CELF2: variants seen among roughly 807,000 people sequenced by gnomAD.
CELF2 encodes CUGBP Elav-like family member 2.
A neutral mutation model predicts 62.6 loss-of-function variants in CELF2; 8 were observed. The observed-to-expected ratio is 0.13, with a 90% CI of 0.07 to 0.23. The LOEUF (loss-of-function observed/expected upper bound fraction) is 0.23, where lower values mean the gene tolerates loss of function less well. CELF2 is among the 10% of genes least tolerant of loss of function. The pLI, the probability that CELF2 is intolerant of heterozygous loss-of-function variation, is 1.00. For synonymous variants in CELF2, 258 were observed against 250.0 expected, an observed-to-expected ratio of 1.03 and a Z score of -0.30; for missense variants, 333 against 671.0, an observed-to-expected ratio of 0.50 and a Z score of 5.56.
the CELF2 span, among the ~76,000 whole-genome samples, chr10:10,583,585 A>T: frequency 1.3e-5 from 2 of 152,170 alleles, no homozygotes; most frequent in Admixed American, 1.3e-4. Context: ...AAAGCTTCAG[A>T]CCAGGTTGCC....
the CELF2 span, among the ~76,000 whole-genome samples, chr10:10,562,970 C>T: frequency 1.3e-5 from 2 of 151,842 alleles, no homozygotes; most frequent in Admixed American, 6.6e-5. Flanking sequence ...GGACAGAATA[C>T]GAAGACCTGG....
intron 1 of CELF2, among the ~76,000 whole-genome samples, chr10:11,060,267 A>T (rs2066409271): frequency 6.6e-6 from 1 of 152,152 alleles, no homozygotes; most frequent in African/African-American, 2.4e-5. Context: ...GGTGAACCCC[A>T]CTCAAAACTT....
intron 1 of CELF2, among the ~76,000 whole-genome samples, chr10:11,073,084 A>C (rs2070670583): frequency 6.6e-6 from 1 of 152,126 alleles, no homozygotes; most frequent in Non-Finnish European, 1.5e-5. Context: ...AAATAATGCT[A>C]ATATAATTAT....
chr10:10,687,381 A>G, the CELF2 span, among the ~76,000 whole-genome samples: 1 of 152,212 alleles, frequency 6.6e-6, no homozygotes, highest in East Asian at 1.9e-4. Context: ...TGGGATCTCA[A>G]AAAACTAAAT....
rs780705239 is a variant in CELF2, at chr10:11,098,645, A to G, written c.75-66841A>G. 1.4e-4 allele frequency among the ~76,000 whole-genome samples: 21 copies of G among 151,734 alleles called. No homozygotes were observed. The highest frequency in any genetic ancestry group is 5.8e-4 in the East Asian group (3 of 5,198). ...TTCCATTTTAGACAAATAATGCATG[A>G]TAAGTATAAATGTGTCATGAGCACA... is the stretch of plus-strand genomic sequence containing the variant. On this transcript the variant is annotated intron_variant, in intron 1 of 12. Transcript: ENST00000633077. This position sits in a 1 kb window ranked among gnomAD's most constrained non-coding sequence, Gnocchi z 4.0.
chr10:10,819,368 G>A (rs2056766027), intron 1 of CELF2, among the ~76,000 whole-genome samples: 1 of 152,184 alleles, frequency 6.6e-6, no homozygotes, highest in Non-Finnish European at 1.5e-5. Flanking sequence ...AAGAGGAAGT[G>A]CTGAAATCAG....
the CELF2 span, among the ~76,000 whole-genome samples, chr10:10,512,191 C>T: frequency 6.6e-6 from 1 of 152,086 alleles, no homozygotes; most frequent in Non-Finnish European, 1.5e-5. Context: ...AATAGCATGC[C>T]TCCTCCTCAC....
At chr10:10,699,891 A>C in the CELF2 span, among the ~76,000 whole-genome samples, 2 of 152,162 alleles carry the variant, frequency 1.3e-5, no homozygotes, top group Non-Finnish European at 2.9e-5. Context: ...CGTAGTTTCC[A>C]GTTCTCACAG....
chr10:10,651,510 G>T, the CELF2 span, among the ~76,000 whole-genome samples: 364 of 121,990 alleles, frequency 3.0e-3, 22 homozygotes, highest in African/African-American at 9.9e-3. Context: ...CTCCCAGCAC[G>T]CAGCTGGAGA....
At chr10:10,652,975 T>C in the CELF2 span, among the ~76,000 whole-genome samples, 1 of 152,112 alleles carries the variant, frequency 6.6e-6, no homozygotes, top group Non-Finnish European at 1.5e-5. Flanking sequence ...GAAACCCATC[T>C]CATGTGCAGA....
chr10:11,319,986 A>AT lies in CELF2; in HGVS notation c.1097-1197dup, dbSNP rs1272746778. Reference sequence around the variant, plus strand: ...TCCATTCTCATTAGACTTCTTACCTATTTTTTCAGTTAGCCATCCTTGCTG... The same window carrying AT: ...TCCATTCTCATTAGACTTCTTACCTATTTTTTTCAGTTAGCCATCCTTGCTG... On this transcript the variant is annotated intron_variant, in intron 10 of 12. Transcript: ENST00000633077. This position sits in a 1 kb window ranked among gnomAD's most constrained non-coding sequence, Gnocchi z 4.4. 2.6e-6 allele frequency: 1 copy of AT among 382,848 alleles called. No individual in the cohort carries two copies. The highest frequency in any genetic ancestry group is 5.3e-6 in the Non-Finnish European group (1 of 187,080). The allele number at this position is 382,848 out of a possible 1,614,324, so 23.7% of individuals were successfully genotyped here.
chr10:10,689,785 C>T, the CELF2 span, among the ~76,000 whole-genome samples: 6 of 152,214 alleles, frequency 3.9e-5, no homozygotes, highest in Non-Finnish European at 8.8e-5. Flanking sequence ...ATTGAAAGTT[C>T]ATTTCACATT....
At chr10:10,707,337 T>C in the CELF2 span, among the ~76,000 whole-genome samples, 2 of 152,202 alleles carry the variant, frequency 1.3e-5, no homozygotes, top group Non-Finnish European at 2.9e-5. Context: ...CCTGATGCTC[T>C]GAGGAACTTT....
intron 1 of CELF2, among the ~76,000 whole-genome samples, chr10:10,857,221 A>G (rs2059768400): frequency 6.6e-6 from 1 of 152,192 alleles, no homozygotes; most frequent in African/African-American, 2.4e-5. Flanking sequence ...CACTGGGGGA[A>G]TCTTCACAGG....
the CELF2 span, among the ~76,000 whole-genome samples, chr10:10,685,242 C>T: frequency 6.6e-6 from 1 of 152,138 alleles, no homozygotes; most frequent in Non-Finnish European, 1.5e-5. Context: ...CTGTCATCTG[C>T]TTTTTGGTGG....
At chr10:11,164,137 G>A (rs182329963) in intron 1 of CELF2, among the ~76,000 whole-genome samples, 3 of 152,174 alleles carry the variant, frequency 2.0e-5, no homozygotes, top group Non-Finnish European at 4.4e-5. Context: ...GCTTTGTTTC[G>A]GCGCCTTCTA....
At chr10:11,023,793 A>C (rs761445659) in intron 1 of CELF2, among the ~76,000 whole-genome samples, 1 of 152,186 alleles carries the variant, frequency 6.6e-6, no homozygotes, top group Non-Finnish European at 1.5e-5. Context: ...GGCCGTGCCA[A>C]CCTGGAGTTT....
intron 1 of CELF2, among the ~76,000 whole-genome samples, chr10:10,820,795 C>G (rs2131966011): frequency 6.6e-6 from 1 of 152,326 alleles, no homozygotes; most frequent in East Asian, 1.9e-4. Flanking sequence ...AGATTTTGTT[C>G]TCTCATTGTA....
chr10:10,657,392 G>GTATATA, the CELF2 span, among the ~76,000 whole-genome samples: 1 of 151,306 alleles, frequency 6.6e-6, no homozygotes, highest in Admixed American at 6.6e-5. Context: ...ATATTTAAAA[G>GTATATA]TATATACATA....
Sources: gnomAD v4.1 joint callset for allele counts (sites outside exome capture counted in the v4.1 genomes callset) on GRCh38, gnomAD v4.1.1 for gene constraint, Gnocchi (gnomAD v3.1) non-coding constraint, MANE v1.5 for transcripts, NCBI Gene and HGNC (gene_info 2026-07-23, HGNC 2026-07-21) for gene names.